Variants in WBP1L observed in about 807,000 individuals in gnomAD.
The protein encoded by WBP1L is WW domain binding protein 1-like.
WBP1L carries 17 observed loss-of-function variants against 33.7 expected under a neutral mutation model. The observed-to-expected ratio is 0.50, with a 90% confidence interval of 0.34 to 0.76. The LOEUF is 0.76. Among genes scored for constraint, WBP1L ranks in the 30% least tolerant of loss-of-function variants. The pLI is 0.01. For missense variants in WBP1L, 389 were observed against 469.4 expected, an observed-to-expected ratio of 0.83 and a Z score of 1.58; for synonymous variants, 173 against 190.8, an observed-to-expected ratio of 0.91 and a Z score of 0.77.
At chr10:102,785,631 A>G (rs1843404573) in intron 1 of WBP1L, among the ~76,000 whole-genome samples, 1 of 152,158 alleles carries the variant, frequency 6.6e-6, no homozygotes, top group African/African-American at 2.4e-5. Context: ...GAAGAAAAGG[A>G]CCTACTTCAT....
intron 1 of WBP1L, chr10:102,776,194 G>T (rs1345625525): frequency 6.8e-7 from 1 of 1,466,558 alleles, no homozygotes; most frequent in East Asian, 2.5e-5. Flanking sequence ...GAGCCAGGCA[G>T]GGGGAGTAGC....
In WBP1L at chr10:102,760,376, CTTT is replaced by C. The variant is rs71019612; in HGVS notation, c.90+16248_90+16250del. Among the ~76,000 whole-genome samples the C allele has an allele frequency of 2.3e-3, 224 of 96,162 alleles. 1 individual carries two copies. Among genetic ancestry groups the C allele is most frequent in the African/African-American group, 9.6e-3 (175 of 18,258 alleles). 63.1% of individuals were successfully genotyped at this position (96,162 alleles called of 152,430 possible). A position where few individuals can be genotyped will look rare whatever the true frequency, so the allele number is the denominator to read the frequency against. On this transcript the variant is annotated intron_variant, in intron 1 of 3. Coordinates refer to ENST00000448841, the MANE Select transcript of WBP1L (RefSeq NM_001083913.2). ...TGTTTCTTTCTTTCTTTCTTTCTTT[CTTT>C]TTTTTTTTTTTTTTGAGGTGGAGTT...
intron 1 of WBP1L, among the ~76,000 whole-genome samples, chr10:102,788,874 C>T (rs1463454283): frequency 1.3e-5 from 2 of 152,216 alleles, no homozygotes; most frequent in East Asian, 3.8e-4. Flanking sequence ...TTATTCAAGT[C>T]TCCACCATAA....
intron 1 of WBP1L, among the ~76,000 whole-genome samples, chr10:102,791,453 G>A (rs959196650): frequency 3.3e-5 from 5 of 152,132 alleles, no homozygotes; most frequent in Admixed American, 2.6e-4. Flanking sequence ...TTGGGGGAAG[G>A]GGGTCAATAC....
chr10:102,806,297 A>C (rs1436585281), intron 2 of WBP1L, among the ~76,000 whole-genome samples: 2 of 152,148 alleles, frequency 1.3e-5, no homozygotes, highest in African/African-American at 4.8e-5. Context: ...TACACTGAGA[A>C]AGTAAGAGAA....
rs575287591 is a variant in WBP1L at position 102,797,660 on chromosome 10, T to C, written c.91-333T>C. On this transcript the variant is annotated intron_variant, in intron 1 of 3. Transcript: ENST00000448841. ...CTCTGCCTCTCTTGTTCAAGCGATT[T>C]TCCTGCCTCAACCTCCTGAGTAGCT... Among the ~76,000 whole-genome samples the C allele has an allele frequency of 3.3e-5, 5 of 152,148 alleles. No individual in the cohort carries two copies. The East Asian group carries it at 9.7e-4, about 29-fold the overall frequency.
intron 1 of WBP1L, chr10:102,744,478 C>G: frequency 2.0e-6 from 2 of 985,224 alleles, no homozygotes; most frequent in Non-Finnish European, 2.4e-6. Flanking sequence ...GCAGGTGTCC[C>G]AGGCAGTAAT....
At chr10:102,758,755 T>A (rs1039084967) in intron 1 of WBP1L, among the ~76,000 whole-genome samples, 2 of 152,086 alleles carry the variant, frequency 1.3e-5, no homozygotes, top group African/African-American at 4.8e-5. Flanking sequence ...ATTTATTGCA[T>A]ACAAGACAAG....
At chr10:102,776,867 T>G (rs189184737) in intron 1 of WBP1L, among the ~76,000 whole-genome samples, 40 of 152,280 alleles carry the variant, frequency 2.6e-4, no homozygotes, top group Admixed American at 1.8e-3. Context: ...GGCTCCGTTC[T>G]TCTTTTAAAG....
In WBP1L at chr10:102,787,552, C is replaced by T. The variant is rs574997703; in HGVS notation, c.91-10441C>T. ...GCAGTGAGCTATGATCGTGCCACTA[C>T]ACTCTAGCCTTGGTGACAGAGTGAG... On this transcript the variant is annotated intron_variant, in intron 1 of 3. Transcript: ENST00000448841. Among the ~76,000 whole-genome samples the T allele has an allele frequency of 7.3e-5, 11 of 151,646 alleles. No homozygotes were observed. In the South Asian group the frequency reaches 2.3e-3, roughly 32 times the overall value.
chr10:102,744,397 G>A lies in WBP1L; in HGVS notation c.90+254G>A, dbSNP rs890864830. The A allele has an allele frequency of 1.3e-5, 13 of 985,280 alleles. No homozygotes were observed. In the African/African-American group the frequency reaches 2.3e-4, roughly 17 times the overall value. The allele number at this position is 985,280 out of a possible 1,614,324, so 61.0% of individuals were successfully genotyped here. A position where few individuals can be genotyped will look rare whatever the true frequency, so the allele number is the denominator to read the frequency against. ...TTTGAGACGGCAGGTTGGTTAGGTG[G>A]GCTGGGGTGACTGTGGCTGGATAGC... On this transcript the variant is annotated intron_variant, in intron 1 of 3. Coordinates refer to ENST00000448841, the MANE Select transcript of WBP1L (RefSeq NM_001083913.2).
chr10:102,801,085 C>T (rs1843650681), intron 2 of WBP1L, among the ~76,000 whole-genome samples: 1 of 152,188 alleles, frequency 6.6e-6, no homozygotes, highest in Non-Finnish European at 1.5e-5. Context: ...TACACAGACA[C>T]ACAAGCACAC....
chr10:102,771,046 C>T (rs144250161), intron 1 of WBP1L, among the ~76,000 whole-genome samples: 32 of 152,284 alleles, frequency 2.1e-4, no homozygotes, highest in African/African-American at 7.2e-4. Context: ...ATAGCCACAT[C>T]ATAGGGTTGT....
chr10:102,798,219 T>C, intron 2 of WBP1L, 124 bp downstream of exon 2: 1 of 741,762 alleles, frequency 1.3e-6, no homozygotes, highest in Non-Finnish European at 2.2e-6. Flanking sequence ...GAGTGGAATC[T>C]GTTTATGGGT....
At chr10:102,806,317 A>G (rs1843734651) in intron 2 of WBP1L, among the ~76,000 whole-genome samples, 1 of 152,214 alleles carries the variant, frequency 6.6e-6, no homozygotes, top group South Asian at 2.1e-4. Flanking sequence ...AGTATAGGTA[A>G]TACAAAATGG....
intron 1 of WBP1L, among the ~76,000 whole-genome samples, chr10:102,770,739 A>T (rs553240018): frequency 1.3e-5 from 2 of 152,328 alleles, no homozygotes; most frequent in East Asian, 3.9e-4. Context: ...GAACACCACC[A>T]TCATATCCAG....
chr10:102,811,065 A>G (rs1353947312), intron 3 of WBP1L, among the ~76,000 whole-genome samples: 1 of 152,026 alleles, frequency 6.6e-6, no homozygotes, highest in Admixed American at 6.6e-5. Flanking sequence ...AGCACTTACT[A>G]TATGCCAGGT....
intron 1 of WBP1L, among the ~76,000 whole-genome samples, chr10:102,761,597 C>T (rs1237861226): frequency 6.6e-6 from 1 of 152,118 alleles, no homozygotes; most frequent in Non-Finnish European, 1.5e-5. Flanking sequence ...GCTGGGATTA[C>T]AGGCACCTTC....
chr10:102,760,611 G>A (rs1003881624), intron 1 of WBP1L, among the ~76,000 whole-genome samples: 1 of 151,906 alleles, frequency 6.6e-6, no homozygotes, highest in African/African-American at 2.4e-5. Flanking sequence ...CCTGAGCTCA[G>A]GTGATCGCCT....
Sources: gnomAD v4.1 joint callset for allele counts (sites outside exome capture counted in the v4.1 genomes callset) on GRCh38, gnomAD v4.1.1 for gene constraint, MANE v1.5 for transcripts, NCBI Gene and HGNC (gene_info 2026-07-23, HGNC 2026-07-21) for gene names.